Variants in LRP1B observed in about 807,000 individuals in gnomAD.
LRP1B encodes low-density lipoprotein receptor-related protein 1B.
LRP1B carries 217 observed loss-of-function variants against 556.6 expected under a neutral mutation model. That is an observed-to-expected ratio of 0.39 (90% CI 0.35 to 0.44). The LOEUF (loss-of-function observed/expected upper bound fraction) is 0.44, where lower values mean the gene tolerates loss of function less well. LRP1B is among the 20% of genes least tolerant of loss of function. The pLI is 1.00. For synonymous variants in LRP1B, 2,047 were observed against 1,865.8 expected, an observed-to-expected ratio of 1.10 and a Z score of -2.50; for missense variants, 5,053 against 5,620.8, an observed-to-expected ratio of 0.90 and a Z score of 3.23.
rs1681815184 is a variant in LRP1B at position 141,460,357 on chromosome 2, C to T, written c.343+20039G>A. Reference sequence around the variant, plus strand: ...TGCCAAAAATGTAAGGTAGAAGTATCCCTGATATAATTAAAAAATAACAAG... The same window carrying T: ...TGCCAAAAATGTAAGGTAGAAGTATTCCTGATATAATTAAAAAATAACAAG... On this transcript the variant is annotated intron_variant, in intron 3 of 90. Coordinates refer to ENST00000389484, the MANE Select transcript of LRP1B (RefSeq NM_018557.3). Among the ~76,000 whole-genome samples, 5 of 151,972 alleles carry T rather than the reference C, an allele frequency of 3.3e-5. No homozygotes were observed. In the South Asian group the frequency reaches 1.0e-3, roughly 31 times the overall value.
chr2:141,706,348 G>A (rs1401178192), intron 2 of LRP1B, among the ~76,000 whole-genome samples: 1 of 152,096 alleles, frequency 6.6e-6, no homozygotes, highest in Non-Finnish European at 1.5e-5. Context: ...GCACAGAAGA[G>A]AGACTGTGTC....
At chr2:141,118,529 G>A (rs926022332) in intron 7 of LRP1B, among the ~76,000 whole-genome samples, 1 of 151,820 alleles carries the variant, frequency 6.6e-6, no homozygotes, top group Non-Finnish European at 1.5e-5. Flanking sequence ...AAATGTAATG[G>A]ATAGAAATTG....
intron 20 of LRP1B, among the ~76,000 whole-genome samples, chr2:140,936,748 C>A (rs1204681416): frequency 6.6e-6 from 1 of 151,956 alleles, no homozygotes; most frequent in African/African-American, 2.4e-5. Flanking sequence ...ATTATTGTAC[C>A]TTTTGTTTGC....
intron 50 of LRP1B, among the ~76,000 whole-genome samples, chr2:140,515,987 T>A (rs184062625): frequency 6.6e-6 from 1 of 152,144 alleles, no homozygotes; most frequent in African/African-American, 2.4e-5. Context: ...TTCTTTGATT[T>A]GCAAATCACA....
intron 41 of LRP1B, 40 bp from the exon 42 acceptor site, chr2:140,601,679 TA>T (rs764661914): frequency 7.0e-7 from 1 of 1,429,854 alleles, no homozygotes; most frequent in Non-Finnish European, 9.4e-7. Context: ...TACTTTTATT[TA>T]CAAAAAAATG....
intron 7 of LRP1B, among the ~76,000 whole-genome samples, chr2:141,167,669 T>A (rs1187650921): frequency 1.3e-5 from 2 of 151,916 alleles, no homozygotes; most frequent in East Asian, 3.9e-4. Flanking sequence ...AGGTGTTAAT[T>A]CATCTTTACT....
intron 2 of LRP1B, among the ~76,000 whole-genome samples, chr2:141,560,185 A>C (rs1192170137): frequency 6.6e-6 from 1 of 151,740 alleles, no homozygotes; most frequent in African/African-American, 2.4e-5. Flanking sequence ...TTAGCTACCT[A>C]ACTATTCCAT....
At chr2:141,578,256 C>A (rs532691339) in intron 2 of LRP1B, among the ~76,000 whole-genome samples, 5 of 151,950 alleles carry the variant, frequency 3.3e-5, no homozygotes, top group African/African-American at 1.2e-4. Flanking sequence ...ATTAGCTGGG[C>A]GTGGTGGCAC....
intron 41 of LRP1B, among the ~76,000 whole-genome samples, chr2:140,679,080 CCT>C (rs950852790): frequency 1.3e-5 from 2 of 151,946 alleles, no homozygotes; most frequent in African/African-American, 4.8e-5. Context: ...CCCGGCCAGG[CCT>C]CTCTCTTTTT....
chr2:141,953,698 A>C (rs1701172517), intron 1 of LRP1B, among the ~76,000 whole-genome samples: 1 of 152,090 alleles, frequency 6.6e-6, no homozygotes, highest in African/African-American at 2.4e-5. Flanking sequence ...AAATCTTTCA[A>C]ATTTCTTTTG....
At chr2:141,002,812 C>G (rs1024600071) in intron 15 of LRP1B, among the ~76,000 whole-genome samples, 2 of 151,878 alleles carry the variant, frequency 1.3e-5, no homozygotes, top group African/African-American at 4.8e-5. Context: ...AAACAGTGAT[C>G]TAGGCCTAAA....
chr2:141,917,995 A>C (rs1700083228), intron 1 of LRP1B, among the ~76,000 whole-genome samples: 1 of 152,176 alleles, frequency 6.6e-6, no homozygotes, highest in Non-Finnish European at 1.5e-5. Flanking sequence ...AATCATAAAC[A>C]TTATATATTA....
At chr2:141,798,520 A>G (rs193003649) in intron 2 of LRP1B, among the ~76,000 whole-genome samples, 5 of 152,124 alleles carry the variant, frequency 3.3e-5, no homozygotes, top group African/African-American at 1.2e-4. Flanking sequence ...CATCCTGGCC[A>G]ACATGATGAA....
chr2:141,096,342 C>T (rs1273259030), intron 7 of LRP1B, among the ~76,000 whole-genome samples: 1 of 152,012 alleles, frequency 6.6e-6, no homozygotes, highest in African/African-American at 2.4e-5. Flanking sequence ...AATCCCAGCA[C>T]TTCGGGAGGC....
intron 1 of LRP1B, among the ~76,000 whole-genome samples, chr2:141,829,742 G>A (rs528143497): frequency 2.6e-5 from 4 of 151,910 alleles, no homozygotes; most frequent in African/African-American, 9.6e-5. Flanking sequence ...TACATGTCCC[G>A]TTTTGAATCT....
intron 2 of LRP1B, among the ~76,000 whole-genome samples, chr2:141,606,065 G>A (rs1273529564): frequency 1.3e-5 from 2 of 151,968 alleles, no homozygotes; most frequent in African/African-American, 2.4e-5. Context: ...TTTCATACAC[G>A]TCCGTGCTAG....
intron 2 of LRP1B, among the ~76,000 whole-genome samples, chr2:141,648,496 A>G (rs1026668261): frequency 1.3e-5 from 2 of 151,978 alleles, no homozygotes; most frequent in Non-Finnish European, 2.9e-5. Context: ...TTCTATTCCT[A>G]CACTCTACTG....
intron 41 of LRP1B, among the ~76,000 whole-genome samples, chr2:140,686,496 A>T (rs1182090942): frequency 6.6e-6 from 1 of 152,012 alleles, no homozygotes; most frequent in African/African-American, 2.4e-5. Flanking sequence ...ATAAAAATTT[A>T]AAATAATAAT....
At chr2:140,320,942 G>A (rs1049370730) in intron 82 of LRP1B, among the ~76,000 whole-genome samples, 9 of 152,070 alleles carry the variant, frequency 5.9e-5, no homozygotes, top group Non-Finnish European at 1.2e-4. Flanking sequence ...TGTAGTCCCA[G>A]CTACTTGGGA....
Sources: gnomAD v4.1 joint callset for allele counts (sites outside exome capture counted in the v4.1 genomes callset) on GRCh38, gnomAD v4.1.1 for gene constraint, MANE v1.5 for transcripts, NCBI Gene and HGNC (gene_info 2026-07-23, HGNC 2026-07-21) for gene names.